Variants in RSRC1 observed in about 807,000 individuals in gnomAD.
RSRC1 encodes serine/Arginine-related protein 53.
RSRC1 carries 39 observed loss-of-function variants against 49.1 expected under a neutral mutation model. The observed-to-expected ratio is 0.79, with a 90% CI of 0.61 to 1.04. RSRC1 has a LOEUF of 1.04. Among genes scored for constraint, RSRC1 ranks in the 50% least tolerant of loss-of-function variants. The pLI is 0.00. For missense variants in RSRC1, 388 were observed against 402.4 expected (o/e 0.96, Z 0.31); for synonymous variants, 143 against 130.8 (o/e 1.09, Z -0.63).
intron 4 of RSRC1, among the ~76,000 whole-genome samples, chr3:158,229,206 AT>A (rs139755618): frequency 0.51 from 56,462 of 111,218 alleles, 15,225 homozygotes; most frequent in East Asian, 0.7. Flanking sequence ...ATATGTGTAT[AT>A]ATGTATACAC....
chr3:158,328,326 A>C (rs763757385), intron 5 of RSRC1, among the ~76,000 whole-genome samples: 23 of 152,150 alleles, frequency 1.5e-4, no homozygotes, highest in African/African-American at 2.9e-4. Context: ...TCTTCCTAGC[A>C]TCGATGGTCT....
At chr3:158,528,533 C>T (rs533081162) in intron 7 of RSRC1, among the ~76,000 whole-genome samples, 1 of 152,006 alleles carries the variant, frequency 6.6e-6, no homozygotes, top group African/African-American at 2.4e-5. Flanking sequence ...GCTCTCCTGA[C>T]AGGCGAGTTG....
chr3:158,353,407 A>G (rs1411002802), intron 5 of RSRC1, among the ~76,000 whole-genome samples: 2 of 152,212 alleles, frequency 1.3e-5, no homozygotes, highest in Non-Finnish European at 2.9e-5. Flanking sequence ...GATTCCTGCT[A>G]CAAATAATGA....
At chr3:158,221,883 G>A (rs150080345) in intron 4 of RSRC1, among the ~76,000 whole-genome samples, 46 of 151,632 alleles carry the variant, frequency 3.0e-4, no homozygotes, top group Middle Eastern at 3.4e-3. Context: ...ACATAAAAAT[G>A]TGGAGAGATT....
chr3:158,510,928 G>A (rs376057072), intron 7 of RSRC1, among the ~76,000 whole-genome samples: 4 of 152,236 alleles, frequency 2.6e-5, no homozygotes. Flanking sequence ...ACAATGGTGA[G>A]AGTTTTATTG....
intron 4 of RSRC1, chr3:158,276,320 A>C (rs1370782563): frequency 1.3e-6 from 1 of 764,326 alleles, no homozygotes; most frequent in Non-Finnish European, 2.4e-6. Context: ...TGTGGAGAGC[A>C]GAGAGCTGGC....
At chr3:158,541,509 A>T (rs1468509792) in intron 8 of RSRC1, among the ~76,000 whole-genome samples, 1 of 152,224 alleles carries the variant, frequency 6.6e-6, no homozygotes, top group African/African-American at 2.4e-5. Context: ...TGCTCAATAA[A>T]TACTGGTTAA....
At chr3:158,511,115 T>C (rs542552826) in intron 7 of RSRC1, among the ~76,000 whole-genome samples, 1 of 152,178 alleles carries the variant, frequency 6.6e-6, no homozygotes, top group African/African-American at 2.4e-5. Context: ...TTGGTTTTTT[T>C]TTTATTATAC....
At chr3:158,194,250 G>C (rs1268552418) in intron 3 of RSRC1, among the ~76,000 whole-genome samples, 2 of 151,580 alleles carry the variant, frequency 1.3e-5, no homozygotes, top group African/African-American at 4.9e-5. Context: ...CTCCAGCCTG[G>C]CTGACAGAGT....
chr3:158,484,222 G>T (rs933380084), intron 7 of RSRC1, among the ~76,000 whole-genome samples: 1 of 152,092 alleles, frequency 6.6e-6, no homozygotes, highest in Non-Finnish European at 1.5e-5. Flanking sequence ...ACGTGTTAAA[G>T]AGAGAAATCA....
In RSRC1 at chr3:158,330,888, TAA is replaced by T. The variant is rs11303833; in HGVS notation, c.532-23955_532-23954del. 2.5e-3 allele frequency among the ~76,000 whole-genome samples: 359 copies of T among 144,058 alleles called. 1 individual carries two copies. The highest frequency in any genetic ancestry group is 2.7e-3 in the Non-Finnish European group (178 of 65,866). 94.5% of individuals were successfully genotyped at this position (144,058 alleles called of 152,430 possible). ...ACCTACCTGAGACTGGGTAACTTAT[TAA>T]AAAAAAAAAAAAAGGTTTAATGGAC... is the stretch of plus-strand genomic sequence containing the variant. On this transcript the variant is annotated intron_variant, in intron 5 of 9. Transcript: ENST00000611884.
intron 6 of RSRC1, among the ~76,000 whole-genome samples, chr3:158,435,668 T>G (rs1736004796): frequency 6.6e-6 from 1 of 151,740 alleles, no homozygotes; most frequent in South Asian, 2.1e-4. Flanking sequence ...TTCTAATTTT[T>G]AATATTGAAT....
chr3:158,179,049 C>G (rs947583977), intron 3 of RSRC1, among the ~76,000 whole-genome samples: 1 of 151,922 alleles, frequency 6.6e-6, no homozygotes, highest in African/African-American at 2.4e-5. Context: ...AATTTTTCCC[C>G]CTCTGGGATT....
intron 5 of RSRC1, among the ~76,000 whole-genome samples, chr3:158,338,071 C>T (rs1730019298): frequency 1.3e-5 from 2 of 152,192 alleles, no homozygotes; most frequent in African/African-American, 2.4e-5. Context: ...TGAATATGGG[C>T]TCTCAAGCAA....
intron 6 of RSRC1, among the ~76,000 whole-genome samples, chr3:158,365,465 A>G (rs184681498): frequency 6.6e-6 from 1 of 152,212 alleles, no homozygotes; most frequent in African/African-American, 2.4e-5. Flanking sequence ...ATGTCCCTGC[A>G]AAGGACATGA....
chr3:158,318,091 G>C (rs556904829), intron 5 of RSRC1, among the ~76,000 whole-genome samples: 1 of 152,022 alleles, frequency 6.6e-6, no homozygotes, highest in Non-Finnish European at 1.5e-5. Flanking sequence ...GCTATTGTTA[G>C]TGTTAGTTTA....
At chr3:158,184,597 A>T (rs1156521645) in intron 3 of RSRC1, among the ~76,000 whole-genome samples, 1 of 152,168 alleles carries the variant, frequency 6.6e-6, no homozygotes, top group East Asian at 1.9e-4. Flanking sequence ...GAAGAAAAGT[A>T]TAAAACAAGA....
intron 3 of RSRC1, among the ~76,000 whole-genome samples, chr3:158,198,042 T>C (rs1371312519): frequency 6.6e-6 from 1 of 152,156 alleles, no homozygotes; most frequent in Non-Finnish European, 1.5e-5. Context: ...TTCCTGGATA[T>C]GCTTGTTAAC....
intron 6 of RSRC1, among the ~76,000 whole-genome samples, chr3:158,459,225 TATAAA>T (rs1185185980): frequency 6.6e-6 from 1 of 152,192 alleles, no homozygotes; most frequent in East Asian, 1.9e-4. Context: ...AAAAAAAACA[TATAAA>T]ATAATATTCC....
Sources: gnomAD v4.1 joint callset for allele counts (sites outside exome capture counted in the v4.1 genomes callset) on GRCh38, gnomAD v4.1.1 for gene constraint, MANE v1.5 for transcripts, NCBI Gene and HGNC (gene_info 2026-07-23, HGNC 2026-07-21) for gene names.